The following CDKL3 variants were observed in gnomAD, a reference collection of about 807,000 sequenced individuals.
CDKL3 encodes cyclin dependent kinase like 3.
CDKL3 carries 65 observed loss-of-function variants against 69.3 expected under a neutral mutation model. The observed-to-expected ratio is 0.94, with a 90% CI of 0.77 to 1.15. CDKL3 has a LOEUF of 1.15. CDKL3 is among the 50% of genes most tolerant of loss of function. CDKL3 has a pLI of 0.00. For synonymous variants in CDKL3, 202 were observed against 221.6 expected (o/e 0.91, Z 0.79); for missense variants, 652 against 689.2 (o/e 0.95, Z 0.61).
At chr5:134,302,146 G>C in intron 12 of CDKL3, 1 of 456,276 alleles carries the variant, frequency 2.2e-6, no homozygotes, top group Non-Finnish European at 4.4e-6. Context: ...TTACCTGATA[G>C]TTAGCTGAGA....
chr5:134,371,009 T>G (rs1758342288), upstream of CDKL3: 1 of 167,290 alleles, frequency 6.0e-6, no homozygotes, highest in Admixed American at 6.0e-5. Context: ...TGGCTGAAAC[T>G]CACATCCAGG....
chr5:134,330,261 G>A (rs781545446), intron 4 of CDKL3, among the ~76,000 whole-genome samples: 4 of 152,008 alleles, frequency 2.6e-5, no homozygotes, highest in Non-Finnish European at 4.4e-5. Context: ...AAAGAATGAG[G>A]AGGAACTAAA....
In CDKL3 at chr5:134,298,446, A is replaced by G. The variant is rs1765515609; in HGVS notation, c.*205T>C. The G allele has an allele frequency of 2.2e-6, 3 of 1,342,132 alleles. No homozygotes were observed. Among genetic ancestry groups the G allele is most frequent in the South Asian group, 2.1e-5 (1 of 47,534 alleles). 83.1% of individuals were successfully genotyped at this position (1,342,132 alleles called of 1,614,324 possible). A position where few individuals can be genotyped will look rare whatever the true frequency, so the allele number is the denominator to read the frequency against. On this transcript the variant is annotated 3_prime_UTR_variant, in exon 13 of 13. Transcript: ENST00000265334. ...AAGTAGGCAGAGAAGAGATGACTTT[A>G]TAATTCCAAATCAAATTATCACATC...
intron 4 of CDKL3, among the ~76,000 whole-genome samples, chr5:134,330,500 A>G (rs1775519465): frequency 6.6e-6 from 1 of 152,142 alleles, no homozygotes; most frequent in Non-Finnish European, 1.5e-5. Flanking sequence ...AGAGTGCTTG[A>G]GCTCAGGAGT....
At chr5:134,338,490 G>C (rs1430177139) in intron 4 of CDKL3, among the ~76,000 whole-genome samples, 7 of 151,662 alleles carry the variant, frequency 4.6e-5, no homozygotes, top group Non-Finnish European at 1.0e-4. Flanking sequence ...AGGAGTTCGA[G>C]ACCAGCCTGG....
At chr5:134,307,333 C>A (rs1768155141) in intron 9 of CDKL3, among the ~76,000 whole-genome samples, 1 of 152,224 alleles carries the variant, frequency 6.6e-6, no homozygotes, top group Non-Finnish European at 1.5e-5. Flanking sequence ...CTGTCCAAGA[C>A]TGACTGGCTT....
At chr5:134,325,949 T>C (rs1580996010) in intron 4 of CDKL3, among the ~76,000 whole-genome samples, 2 of 75,016 alleles carry the variant, frequency 2.7e-5, no homozygotes, top group African/African-American at 4.3e-5. Flanking sequence ...TTTTTTTTTT[T>C]GTATTTTTAG....
intron 6 of CDKL3, among the ~76,000 whole-genome samples, chr5:134,312,906 A>G (rs1423392702): frequency 6.6e-6 from 1 of 152,250 alleles, no homozygotes; most frequent in Non-Finnish European, 1.5e-5. Context: ...TATAGAAACA[A>G]ACAAACAAAA....
At chr5:134,298,883 G>C (rs182372467) in intron 12 of CDKL3, among the ~76,000 whole-genome samples, 173 bp from the exon 13 acceptor site, 1 of 151,138 alleles carries the variant, frequency 6.6e-6, no homozygotes, top group South Asian at 2.1e-4. Flanking sequence ...TTTTTTTTGC[G>C]GGGGGCAGCG....
At chr5:134,353,016 C>T (rs2149610860) in intron 3 of CDKL3, among the ~76,000 whole-genome samples, 1 of 152,184 alleles carries the variant, frequency 6.6e-6, no homozygotes, top group Non-Finnish European at 1.5e-5. Flanking sequence ...TGTCATAGAA[C>T]TTTTCCCACG....
intron 4 of CDKL3, among the ~76,000 whole-genome samples, chr5:134,346,862 T>A (rs1752031813): frequency 1.3e-5 from 2 of 152,158 alleles, no homozygotes; most frequent in South Asian, 2.1e-4. Context: ...TATGTTTAAG[T>A]CCATGAGTTC....
At chr5:134,297,982 G>A (rs1191409544), downstream of CDKL3, among the ~76,000 whole-genome samples, 3 of 148,520 alleles carry the variant, frequency 2.0e-5, no homozygotes, top group African/African-American at 7.5e-5. Flanking sequence ...CTCCCAGGCT[G>A]GAGTGCAATG....
At chr5:134,339,545 C>T (rs1468993842) in intron 4 of CDKL3, among the ~76,000 whole-genome samples, 1 of 152,028 alleles carries the variant, frequency 6.6e-6, no homozygotes, top group African/African-American at 2.4e-5. Context: ...AAAATATGAA[C>T]AACATGATAA....
rs747397172 is a variant in CDKL3 at position 134,308,376 on chromosome 5, T to C, written c.1126A>G (p.Lys376Glu). ...GRGDISEPKK[K>E]EYEGGLGQQD... ...TGACCAAGTCCACCTTCATACTCTT[T>C]CTTTTTTGGTTCTGAGATATCTCCT... The change falls in exon 9 of 13, where the codon AAA becomes GAA. Residue 376 changes from lysine to glutamate, a missense_variant. Physicochemically the swap from Lys to Glu is moderately conservative, Grantham distance 56 (BLOSUM62 1). Coordinates refer to ENST00000265334, the MANE Select transcript of CDKL3 (RefSeq NM_001113575.2). The C allele has an allele frequency of 6.2e-7, 1 of 1,613,920 alleles. No homozygotes were observed. Among genetic ancestry groups the C allele is most frequent in the Non-Finnish European group, 8.5e-7 (1 of 1,179,834 alleles).
intron 4 of CDKL3, among the ~76,000 whole-genome samples, chr5:134,335,052 C>T (rs765109433): frequency 6.6e-6 from 1 of 151,644 alleles, no homozygotes; most frequent in Non-Finnish European, 1.5e-5. Context: ...GAATTGATCC[C>T]TTTGCCATTA....
intron 3 of CDKL3, among the ~76,000 whole-genome samples, chr5:134,354,622 G>C (rs570951373): frequency 1.1e-3 from 175 of 152,212 alleles, no homozygotes; most frequent in Non-Finnish European, 2.2e-3. Flanking sequence ...GATATAATGT[G>C]AACAAAAACA....
intron 3 of CDKL3, among the ~76,000 whole-genome samples, chr5:134,354,295 A>G (rs1754027550): frequency 1.3e-5 from 2 of 152,226 alleles, no homozygotes; most frequent in African/African-American, 4.8e-5. Flanking sequence ...AAGAGAAGGC[A>G]TTTAAAAATT....
intron 6 of CDKL3, among the ~76,000 whole-genome samples, chr5:134,312,677 T>C (rs1360773532): frequency 6.6e-6 from 1 of 152,262 alleles, no homozygotes; most frequent in Admixed American, 6.5e-5. Context: ...TTGATCCTCT[T>C]TTCTGCCCTG....
At chr5:134,306,737 CTCCCCAGAAA>C (rs760167488) in intron 9 of CDKL3, 35 bp from the exon 10 acceptor site, 13 of 824,164 alleles carry the variant, frequency 1.6e-5, no homozygotes, top group Non-Finnish European at 2.3e-5. Context: ...GTTACTAAAA[CTCCCCAGAAA>C]TGCTTTTTTT....
Sources: allele counts gnomAD v4.1 joint callset (sites outside exome capture counted in the v4.1 genomes callset), GRCh38; gene constraint gnomAD v4.1.1; transcripts MANE v1.5; gene names NCBI Gene and HGNC (gene_info 2026-07-23, HGNC 2026-07-21).